PIWIL2: variants seen among roughly 807,000 people sequenced by gnomAD.
PIWIL2 encodes the protein piwi like RNA-mediated gene silencing 2, also known as piwi-like protein 2.
A neutral mutation model predicts 116.5 loss-of-function variants in PIWIL2; 81 were observed. That is an observed-to-expected ratio of 0.70 (90% CI 0.58 to 0.84). PIWIL2 has a LOEUF of 0.84. Ranked by LOEUF, PIWIL2 falls within the 40% of genes least tolerant of loss-of-function variation. PIWIL2 has a pLI of 0.00. For synonymous variants in PIWIL2, 489 were observed against 429.5 expected, an observed-to-expected ratio of 1.14 and a Z score of -1.71; for missense variants, 1,272 against 1,212.3, an observed-to-expected ratio of 1.05 and a Z score of -0.73.
intron 19 of PIWIL2, 141 bp downstream of exon 19, chr8:22,316,474 A>C: frequency 1.8e-6 from 1 of 540,984 alleles, no homozygotes; most frequent in Non-Finnish European, 3.2e-6. Flanking sequence ...CTTCATGTGA[A>C]TTTTTTTTTT....
At position 22,314,413 on chromosome 8, in the gene PIWIL2, C is replaced by A. The variant is rs1831404085; in HGVS notation, c.2075C>A (p.Ser692Tyr). 1 of 1,568,072 alleles carries A rather than the reference C, an allele frequency of 6.4e-7. No homozygotes were observed. Among genetic ancestry groups the A allele is most frequent in the African/African-American group, 1.4e-5 (1 of 73,380 alleles). Residue 692 changes from serine (S) to tyrosine (Y), a missense_variant, in exon 17 of 23, where the codon TCC (serine) becomes TAC (tyrosine). By Grantham distance (144) the Ser-to-Tyr change is moderately radical (BLOSUM62 -2). Coordinates refer to ENST00000356766, the MANE Select transcript of PIWIL2 (RefSeq NM_018068.5). ...ATCAAGAAGCTGTGCTGTGTGCAGT[C>A]CCCAGTGCCCTCCCAGGTGAGTGGG... Reference protein sequence around the residue: ...GAIKKLCCVQSPVPSQVVNVR... With the variant: ...GAIKKLCCVQYPVPSQVVNVR...
At position 22,318,143 on chromosome 8, in the gene PIWIL2, C is replaced by T. The variant is rs751276313; in HGVS notation, c.2298-27C>T. The T allele has an allele frequency of 1.3e-5, 19 of 1,411,020 alleles. No individual in the cohort carries two copies. The East Asian group carries it at 2.3e-4, about 17-fold the overall frequency. The allele number at this position is 1,411,020 out of a possible 1,614,324, so 87.4% of individuals were successfully genotyped here. A position where few individuals can be genotyped will look rare whatever the true frequency, so the allele number is the denominator to read the frequency against. ...CGAGCATTTGTTCATCTTCCTTTCTCTGTCTCTCTGCTCACCCTGACCCTA... is the reference window on the plus strand; with the variant it reads ...CGAGCATTTGTTCATCTTCCTTTCTTTGTCTCTCTGCTCACCCTGACCCTA... On this transcript the variant is annotated intron_variant, in intron 19 of 22. Transcript: ENST00000356766.
intron 22 of PIWIL2, 62 bp downstream of exon 22, chr8:22,354,440 T>C (rs1832445400): frequency 1.0e-6 from 1 of 1,002,556 alleles, no homozygotes; most frequent in African/African-American, 1.6e-5. Context: ...CTAGCTAAGA[T>C]GGGCTCACTG....
rs192085453 is a variant in PIWIL2 at position 22,316,942 on chromosome 8, C to T, written c.2297+609C>T. Among the ~76,000 whole-genome samples, 384 of 151,968 alleles carry T rather than the reference C, an allele frequency of 2.5e-3. 2 individuals carry two copies. The highest frequency in any genetic ancestry group is 8.6e-3 in the African/African-American group (358 of 41,450). ...TAGCTGGGACCACAAGCATGTGCCA[C>T]CATACCCAGCTAATTTTTGTAGAGA... On this transcript the variant is annotated intron_variant, in intron 19 of 22. Transcript: ENST00000356766.
At position 22,301,770 on chromosome 8, in the gene PIWIL2, C is replaced by T. The variant is rs76488569; in HGVS notation, c.1182-2251C>T. Among the ~76,000 whole-genome samples the T allele has an allele frequency of 1.6e-3, 248 of 151,656 alleles. 3 individuals carry two copies. The East Asian group carries it at 0.023, about 14-fold the overall frequency. ...TAGTTTTGACTCATATTTAGATCTG[C>T]GATCCATTTTGAGTTAACTTTTACA... On this transcript the variant is annotated intron_variant, in intron 10 of 22. Transcript: ENST00000356766.
At chr8:22,282,932 T>C (rs1004535951) in intron 4 of PIWIL2, 102 bp from the exon 5 acceptor site, 4 of 913,168 alleles carry the variant, frequency 4.4e-6, no homozygotes, top group African/African-American at 3.2e-5. Flanking sequence ...TGGATCCCTT[T>C]TGCTGTCTCC....
At chr8:22,301,288 G>A (rs1468077872) in intron 10 of PIWIL2, among the ~76,000 whole-genome samples, 2 of 151,878 alleles carry the variant, frequency 1.3e-5, no homozygotes, top group Admixed American at 1.3e-4. Context: ...CCTTTTATTT[G>A]TTTTTTATTC....
At chr8:22,317,383 A>G (rs1265175853) in intron 19 of PIWIL2, among the ~76,000 whole-genome samples, 2 of 151,880 alleles carry the variant, frequency 1.3e-5, no homozygotes, top group Non-Finnish European at 1.5e-5. Context: ...TGTGATATAT[A>G]TCTCTGAAAC....
chr8:22,326,053 C>G lies in PIWIL2; in HGVS notation c.2403+7778C>G, dbSNP rs139500210. Among the ~76,000 whole-genome samples the G allele has an allele frequency of 4.6e-5, 7 of 152,238 alleles. No homozygotes were observed. In the East Asian group the frequency reaches 1.4e-3, roughly 29 times the overall value. ...AACATGTAGAATAGATTCAGCCTAT[C>G]TCTGCACTGCTGTAGTTCTCCAGTG... On this transcript the variant is annotated intron_variant, in intron 20 of 22. Coordinates refer to ENST00000356766, the MANE Select transcript of PIWIL2 (RefSeq NM_018068.5).
At chr8:22,275,915 G>C (rs1038756291) in intron 1 of PIWIL2, 3 of 152,342 alleles carry the variant, frequency 2.0e-5, no homozygotes, top group East Asian at 1.9e-4. Flanking sequence ...CACTGGGAGA[G>C]GGCCCTCTGG....
chr8:22,315,092 C>G lies in PIWIL2; in HGVS notation c.2155C>G (p.Leu719Val), dbSNP rs145656783. The change falls in exon 18 of 23, where the codon CTT becomes GTT. Residue 719 changes from leucine to valine, a missense_variant. Transcript: ENST00000356766. ...TCGGAGTGTGGCCCAGAAGATTTTA[C>G]TTCAGATTAACTGTAAATTGGGTGG... The part of the protein sequence containing the change: ...RLRSVAQKIL[L>V]QINCKLGGEL... 8 of 1,613,510 alleles carry G rather than the reference C, an allele frequency of 5.0e-6. No homozygotes were observed. Among genetic ancestry groups the G allele is most frequent in the Non-Finnish European group, 6.8e-6 (8 of 1,179,456 alleles).
chr8:22,280,974 T>A, intron 2 of PIWIL2, 146 bp from the exon 3 acceptor site: 1 of 559,228 alleles, frequency 1.8e-6, no homozygotes, highest in Non-Finnish European at 3.2e-6. Context: ...TTACAGGTAT[T>A]TTTTAAAGTT....
At chr8:22,339,335 A>G (rs533303614) in intron 20 of PIWIL2, among the ~76,000 whole-genome samples, 31 of 152,170 alleles carry the variant, frequency 2.0e-4, no homozygotes, top group East Asian at 1.7e-3. Context: ...GTGAAACCCC[A>G]TCTCTACTAA....
intron 18 of PIWIL2, 145 bp from the exon 19 acceptor site, chr8:22,316,100 T>C (rs1831452043): frequency 8.4e-6 from 5 of 592,034 alleles, no homozygotes; most frequent in South Asian, 8.3e-5. Flanking sequence ...GTCAAGTTGA[T>C]TGTCTTTTTT....
chr8:22,304,036 G>T lies in PIWIL2; in HGVS notation c.1197G>T (p.Gln399His). 6.2e-7 allele frequency: 1 copy of T among 1,611,630 alleles called. No homozygotes were observed. Among genetic ancestry groups the T allele is most frequent in the South Asian group, 1.1e-5 (1 of 90,734 alleles). The change falls in exon 11 of 23, where the codon CAG (glutamine) becomes CAT (histidine). Residue 399 changes from glutamine to histidine, a missense_variant. By Grantham distance (24) the Gln-to-His change is conservative. Coordinates refer to ENST00000356766, the MANE Select transcript of PIWIL2 (RefSeq NM_018068.5). ...CVLDVMHAIY[Q>H]QNKEHFQDEC... is the part of the protein sequence containing the mutation. The stretch of plus-strand genomic sequence containing the variant: ...CTTTCCAAAGGCATGCCATTTATCA[G>T]CAGAATAAAGAACACTTCCAGGATG...
At position 22,281,465 on chromosome 8, in the gene PIWIL2, G is replaced by C; in HGVS notation, c.375G>C (p.Val125=). 1.9e-6 allele frequency: 3 copies of C among 1,603,782 alleles called. No homozygotes were observed. Among genetic ancestry groups the C allele is most frequent in the Non-Finnish European group, 2.5e-6 (3 of 1,177,866 alleles). ...CTCCCACTTTTTGGGATCCAAAAGT[G>C]TTGGCGGCTGGGGACAGCAAGATGG... The part of the protein sequence containing the change: ...ELSPTFWDPK[V]LAAGDSKMAE... The change falls in exon 4 of 23, where the codon GTG becomes GTC. Residue 125 remains valine (V), a synonymous_variant. Coordinates refer to ENST00000356766, the MANE Select transcript of PIWIL2 (RefSeq NM_018068.5).
intron 6 of PIWIL2, 138 bp from the exon 7 acceptor site, chr8:22,287,390 T>C (rs1830652711): frequency 1.5e-6 from 1 of 686,920 alleles, no homozygotes; most frequent in Non-Finnish European, 2.7e-6. Context: ...TGAGTCAAAG[T>C]TCTAGGCAGA....
intron 20 of PIWIL2, among the ~76,000 whole-genome samples, chr8:22,343,660 C>G (rs1270180849): frequency 1.3e-5 from 2 of 152,114 alleles, no homozygotes; most frequent in African/African-American, 2.4e-5. Context: ...ATCACTTGCC[C>G]TTAGGGAACT....
chr8:22,298,594 T>C (rs958742873), intron 10 of PIWIL2, among the ~76,000 whole-genome samples: 1 of 152,216 alleles, frequency 6.6e-6, no homozygotes, highest in African/African-American at 2.4e-5. Flanking sequence ...AGTGGATTGT[T>C]GGTCTGAGAA....
Sources: allele counts gnomAD v4.1 joint callset (sites outside exome capture counted in the v4.1 genomes callset), GRCh38; gene constraint gnomAD v4.1.1; transcripts MANE v1.5; gene names NCBI Gene and HGNC (gene_info 2026-07-23, HGNC 2026-07-21).